OSBPL11: variants seen among roughly 807,000 people sequenced by gnomAD.
OSBPL11 encodes oxysterol binding protein like 11.
In OSBPL11, 33 loss-of-function variants were observed where a neutral mutation model predicts 84.4. That is an observed-to-expected ratio of 0.39 (90% confidence interval 0.30 to 0.52). The LOEUF (loss-of-function observed/expected upper bound fraction) is 0.52. Ranked by LOEUF, OSBPL11 falls within the 20% of genes least tolerant of loss-of-function variation. The pLI is 0.72. For synonymous variants in OSBPL11, 276 were observed against 310.2 expected, an observed-to-expected ratio of 0.89 and a Z score of 1.16; for missense variants, 736 against 901.1, an observed-to-expected ratio of 0.82 and a Z score of 2.35.
At chr3:125,588,811 G>T (rs779192124) in intron 1 of OSBPL11, among the ~76,000 whole-genome samples, 6 of 152,122 alleles carry the variant, frequency 3.9e-5, no homozygotes, top group Non-Finnish European at 7.4e-5. Flanking sequence ...GAAAGAAACA[G>T]AATTTTTCTA....
intron 3 of OSBPL11, among the ~76,000 whole-genome samples, chr3:125,579,633 C>T (rs2922178): frequency 0.086 from 13,066 of 152,184 alleles, 1,098 homozygotes; most frequent in African/African-American, 0.22. Context: ...TCACCTACAC[C>T]GTTTTTCAGA....
chr3:125,573,011 G>T (rs1335583003), intron 5 of OSBPL11, among the ~76,000 whole-genome samples: 5 of 146,210 alleles, frequency 3.4e-5, no homozygotes, highest in Non-Finnish European at 7.5e-5. Flanking sequence ...AGTATATATA[G>T]TGTGTGTGTG....
Position 125,579,922 on chromosome 3 carries a change from C to T in OSBPL11, c.352G>A (p.Glu118Lys). ...TTTACAGTGAAGGTGTGAGAATCCT[C>T]ATCACTGGGTGATATTACAGCTCCT... ...LAGAVISPSD[E>K]DSHTFTVNAA... The change falls in exon 3 of 13, where the codon GAG becomes AAG. Residue 118 changes from glutamate to lysine, a missense_variant. Coordinates refer to ENST00000296220, the MANE Select transcript of OSBPL11 (RefSeq NM_022776.5). 6.2e-7 allele frequency: 1 copy of T among 1,614,236 alleles called. No homozygotes were observed. The highest frequency in any genetic ancestry group is 8.5e-7 in the Non-Finnish European group (1 of 1,180,044).
chr3:125,594,688 A>C lies in OSBPL11; in HGVS notation c.113T>G (p.Ile38Ser). 1 of 1,614,044 alleles carries C rather than the reference A, an allele frequency of 6.2e-7. No homozygotes were observed. Among genetic ancestry groups the C allele is most frequent in the Non-Finnish European group, 8.5e-7 (1 of 1,180,002 alleles). The change falls in exon 1 of 13, where the codon ATC (isoleucine) becomes AGC (serine). Residue 38 changes from isoleucine to serine, a missense_variant. Physicochemically the swap from Ile to Ser is moderately radical, Grantham distance 142. Transcript: ENST00000296220. ...PNKNSSCGGG[I>S]SSSSSSRGGS... ...ACCGCGGCTGCTGCTGCTGCTACTG[A>C]TTCCACCTCCACAGCTGCTGTTCTT...
chr3:125,571,210 C>G (rs959189613), intron 5 of OSBPL11, among the ~76,000 whole-genome samples: 33 of 152,160 alleles, frequency 2.2e-4, no homozygotes, highest in African/African-American at 8.0e-4. Flanking sequence ...AAACTTTGAA[C>G]TTGAGAGAGA....
intron 10 of OSBPL11, 29 bp from the exon 11 acceptor site, chr3:125,538,662 C>G (rs1339652847): frequency 6.4e-7 from 1 of 1,568,768 alleles, no homozygotes; most frequent in Non-Finnish European, 8.7e-7. Flanking sequence ...GAAAGATATG[C>G]TCTAATAAGT....
intron 10 of OSBPL11, among the ~76,000 whole-genome samples, chr3:125,546,920 A>G (rs1324769266): frequency 6.6e-6 from 1 of 152,110 alleles, no homozygotes; most frequent in Non-Finnish European, 1.5e-5. Flanking sequence ...AAAATGCATC[A>G]ATATCATTGA....
chr3:125,590,296 T>A (rs1017456557), intron 1 of OSBPL11, among the ~76,000 whole-genome samples: 2 of 152,220 alleles, frequency 1.3e-5, no homozygotes, highest in Non-Finnish European at 2.9e-5. Context: ...ACGCCTGTAA[T>A]CCTAGTACTT....
chr3:125,542,389 G>T (rs1184865807), intron 10 of OSBPL11, among the ~76,000 whole-genome samples: 1 of 151,160 alleles, frequency 6.6e-6, no homozygotes, highest in Non-Finnish European at 1.5e-5. Context: ...GTGCGATCTC[G>T]GCTCGGCACA....
Position 125,579,037 on chromosome 3 carries a change from T to G in OSBPL11, c.412A>C (p.Thr138Pro). Residue 138 changes from threonine to proline, a missense_variant and splice_region_variant, in exon 4 of 13, where the codon ACA becomes CCA. Physicochemically the swap from Thr to Pro is conservative, Grantham distance 38. Around this residue, in one of 3 missense-constraint regions of OSBPL11, gnomAD observed 43 missense variants for 78.7 expected, o/e 0.55. Transcript: ENST00000296220. ...ASGEQYKLRATDAKERQHWVS... is the reference protein window; with the variant it reads ...ASGEQYKLRAPDAKERQHWVS... ...CAGTGCTGTCGCTCTTTTGCATCTG[T>G]AGCTGTTAAAAGAATGTAAAAATTA... The G allele has an allele frequency of 6.3e-7, 1 of 1,584,138 alleles. No individual in the cohort carries two copies.
intron 2 of OSBPL11, among the ~76,000 whole-genome samples, chr3:125,582,333 CAAA>C (rs1235720161): frequency 8.9e-6 from 1 of 111,962 alleles, no homozygotes. Flanking sequence ...GACTCCGTCT[CAAA>C]AAAAAAAAAA....
At chr3:125,576,453 CAT>C in intron 4 of OSBPL11, 88 bp from the exon 5 acceptor site, 1 of 991,238 alleles carries the variant, frequency 1.0e-6, no homozygotes, top group Non-Finnish European at 1.4e-6. Flanking sequence ...AAGATTTACA[CAT>C]GAGCAGCGTT....
intron 8 of OSBPL11, among the ~76,000 whole-genome samples, chr3:125,553,537 C>T (rs973828177): frequency 1.5e-4 from 23 of 152,098 alleles, no homozygotes; most frequent in South Asian, 2.1e-4. Context: ...ATGGTTTAAA[C>T]GTCTGAGAAA....
rs541038110 is a variant in OSBPL11, at chr3:125,552,203, T to G, written c.1632A>C (p.Ile544=). ...WTKSKFLGMS[I]GVTMVGEGIL... is the part of the protein sequence containing the mutation. ...TACCTTCTCCAACCATTGTCACGCCTATTGACATGCCTAAGAACTTGCTCT... is the reference window on the plus strand; with the variant it reads ...TACCTTCTCCAACCATTGTCACGCCGATTGACATGCCTAAGAACTTGCTCT... Residue 544 remains isoleucine, a synonymous_variant, in exon 9 of 13, where the codon ATA becomes ATC. Coordinates refer to ENST00000296220, the MANE Select transcript of OSBPL11 (RefSeq NM_022776.5). 6.2e-7 allele frequency: 1 copy of G among 1,607,560 alleles called. No individual in the cohort carries two copies. Among genetic ancestry groups the G allele is most frequent in the South Asian group, 1.1e-5 (1 of 89,454 alleles).
At chr3:125,584,166 A>T (rs1345168527) in intron 1 of OSBPL11, among the ~76,000 whole-genome samples, 1 of 152,114 alleles carries the variant, frequency 6.6e-6, no homozygotes, top group Non-Finnish European at 1.5e-5. Context: ...GGAGTTCGAG[A>T]CCAGCCTGGC....
At chr3:125,540,275 G>C (rs1413207854) in intron 10 of OSBPL11, among the ~76,000 whole-genome samples, 1 of 136,586 alleles carries the variant, frequency 7.3e-6, no homozygotes, top group African/African-American at 2.9e-5. Flanking sequence ...GTTGCAGTGA[G>C]CCAAGATTGC....
chr3:125,534,951 GAAAAAAAAA>G (rs56164804), intron 11 of OSBPL11, among the ~76,000 whole-genome samples: 137 of 64,666 alleles, frequency 2.1e-3, no homozygotes, highest in South Asian at 5.1e-3. Flanking sequence ...TAAGAAATTA[GAAAAAAAAA>G]AAAAAAAAAA....
chr3:125,543,373 C>T (rs1287856405), intron 10 of OSBPL11, among the ~76,000 whole-genome samples: 1 of 151,494 alleles, frequency 6.6e-6, no homozygotes, highest in Non-Finnish European at 1.5e-5. Flanking sequence ...CTCAGTTGAT[C>T]CACTGGACTC....
intron 8 of OSBPL11, among the ~76,000 whole-genome samples, chr3:125,559,739 G>A (rs1239033246): frequency 1.3e-5 from 2 of 151,952 alleles, no homozygotes; most frequent in South Asian, 2.1e-4. Flanking sequence ...GTTTCACCAC[G>A]TTGGTCTTGA....
Sources: gnomAD v4.1 joint callset for allele counts (sites outside exome capture counted in the v4.1 genomes callset) on GRCh38, gnomAD v4.1.1 for gene constraint, gnomAD v4.1.1 regional missense constraint, MANE v1.5 for transcripts, NCBI Gene and HGNC (gene_info 2026-07-23, HGNC 2026-07-21) for gene names.